EFNA5: variants seen among roughly 807,000 people sequenced by gnomAD.
EFNA5 encodes the protein ephrin A5, also known as ephrin-A5.
Under a neutral mutation model 22.9 loss-of-function variants are expected in EFNA5, and 5 were observed. That is an observed-to-expected ratio of 0.22 (90% confidence interval 0.11 to 0.46). EFNA5 has a LOEUF of 0.46. EFNA5 is among the 20% of genes least tolerant of loss of function. The pLI is 0.99. For synonymous variants in EFNA5, 113 were observed against 112.2 expected (o/e 1.01, Z -0.04); for missense variants, 237 against 293.3 (o/e 0.81, Z 1.40).
chr5:107,429,165 G>A (rs1484851286), intron 1 of EFNA5, among the ~76,000 whole-genome samples: 5 of 152,176 alleles, frequency 3.3e-5, no homozygotes, highest in South Asian at 2.1e-4. Context: ...CCTTCTAGCC[G>A]GGTACAGTGG....
intron 1 of EFNA5, among the ~76,000 whole-genome samples, chr5:107,518,571 T>TAC (rs1236340875): frequency 8.2e-6 from 1 of 122,450 alleles, no homozygotes; most frequent in African/African-American, 3.3e-5. Context: ...GAAGCCGAGG[T>TAC]ACACCATGCC....
chr5:107,535,249 T>G (rs920497380), intron 1 of EFNA5, among the ~76,000 whole-genome samples: 1 of 152,214 alleles, frequency 6.6e-6, no homozygotes, highest in African/African-American at 2.4e-5. Flanking sequence ...GAACAATGAC[T>G]GTTTGTAGAT....
At chr5:107,611,767 C>T (rs538116353) in intron 1 of EFNA5, among the ~76,000 whole-genome samples, 4 of 152,226 alleles carry the variant, frequency 2.6e-5, no homozygotes, top group East Asian at 1.9e-4. Context: ...GGCCAGGGCT[C>T]GGATGGGCAT....
chr5:107,442,951 A>AC (rs1749295953), intron 1 of EFNA5, among the ~76,000 whole-genome samples: 1 of 140,186 alleles, frequency 7.1e-6, no homozygotes, highest in African/African-American at 2.6e-5. Flanking sequence ...AAAAAAAAAA[A>AC]AACCCTGTGA....
rs866937121 is a variant in EFNA5 at position 107,591,975 on chromosome 5, T to A, written c.125+78514A>T. 5.0e-4 allele frequency among the ~76,000 whole-genome samples: 16 copies of A among 32,220 alleles called. 1 individual carries two copies. The highest frequency in any genetic ancestry group is 4.2e-3 in the African/African-American group (16 of 3,854). 21.1% of individuals were successfully genotyped at this position (32,220 alleles called of 152,430 possible). On this transcript the variant is annotated intron_variant, in intron 1 of 4. Transcript: ENST00000333274. ...TAATATATAATATATATAATATATA[T>A]AATATATAATATATAATATATATAA...
rs1480342035 is a variant in EFNA5 at position 107,452,009 on chromosome 5, T to C, written c.126-24500A>G. On this transcript the variant is annotated intron_variant, in intron 1 of 4. Coordinates refer to ENST00000333274, the MANE Select transcript of EFNA5 (RefSeq NM_001962.3). ...TCAATGATAGACAGGATAAAGAAAATGTGGTACGTATATACCAAGGAATAC... is the reference window on the plus strand; with the variant it reads ...TCAATGATAGACAGGATAAAGAAAACGTGGTACGTATATACCAAGGAATAC... Among the ~76,000 whole-genome samples, 5 of 152,114 alleles carry C rather than the reference T, an allele frequency of 3.3e-5. No homozygotes were observed. The South Asian group carries it at 1.0e-3, about 32-fold the overall frequency.
chr5:107,543,396 A>G lies in EFNA5; in HGVS notation c.126-115887T>C, dbSNP rs77595834. Among the ~76,000 whole-genome samples the G allele has an allele frequency of 3.5e-4, 53 of 152,222 alleles. 1 individual carries two copies. Among genetic ancestry groups the G allele is most frequent in the Non-Finnish European group, 7.3e-5 (5 of 68,044 alleles). On this transcript the variant is annotated intron_variant, in intron 1 of 4. Transcript: ENST00000333274. Reference sequence around the variant, plus strand: ...ATCATTTTCTTTTTCAAATATGACAATGCTATTTTACCCCTACTTCTTTCT... The same window carrying G: ...ATCATTTTCTTTTTCAAATATGACAGTGCTATTTTACCCCTACTTCTTTCT...
At chr5:107,534,838 C>T (rs537626164) in intron 1 of EFNA5, among the ~76,000 whole-genome samples, 1 of 152,156 alleles carries the variant, frequency 6.6e-6, no homozygotes, top group South Asian at 2.1e-4. Flanking sequence ...TAAAGGAAAA[C>T]AAAATTGATA....
intron 1 of EFNA5, among the ~76,000 whole-genome samples, chr5:107,516,130 A>C (rs1375029799): frequency 6.6e-6 from 1 of 151,096 alleles, no homozygotes; most frequent in Non-Finnish European, 1.5e-5. Flanking sequence ...TCAGCCTCCT[A>C]AGTAGCTAGG....
intron 1 of EFNA5, 90 bp from the exon 2 acceptor site, chr5:107,427,599 G>A (rs1748841400): frequency 8.0e-7 from 1 of 1,245,540 alleles, no homozygotes. Context: ...TAATTTTGGA[G>A]CTAAAGCATC....
intron 1 of EFNA5, among the ~76,000 whole-genome samples, chr5:107,449,207 C>T (rs1472130853): frequency 6.6e-6 from 1 of 152,054 alleles, no homozygotes; most frequent in African/African-American, 2.4e-5. Flanking sequence ...TAATTCTGCT[C>T]CTGGATTTCC....
At chr5:107,642,934 G>GAAA (rs34467356) in intron 1 of EFNA5, among the ~76,000 whole-genome samples, 1,724 of 133,738 alleles carry the variant, frequency 0.013, 44 homozygotes, top group African/African-American at 0.046. Context: ...TTCCTCACCT[G>GAAA]AAAAAAAAAA....
chr5:107,613,131 G>C (rs1334149129), intron 1 of EFNA5, among the ~76,000 whole-genome samples: 3 of 151,826 alleles, frequency 2.0e-5, no homozygotes, highest in African/African-American at 7.2e-5. Flanking sequence ...CTTGGGAAAG[G>C]CTGTGATTTT....
At chr5:107,465,720 C>T (rs1749961025) in intron 1 of EFNA5, among the ~76,000 whole-genome samples, 1 of 152,050 alleles carries the variant, frequency 6.6e-6, no homozygotes. Context: ...CTGGCTAGTC[C>T]AGATTGCTTG....
chr5:107,443,945 G>C (rs1178202595), intron 1 of EFNA5, among the ~76,000 whole-genome samples: 1 of 152,174 alleles, frequency 6.6e-6, no homozygotes, highest in African/African-American at 2.4e-5. Flanking sequence ...TGAATGTCAA[G>C]ATCAGAGACT....
At chr5:107,663,585 A>G (rs977183756) in intron 1 of EFNA5, among the ~76,000 whole-genome samples, 5 of 152,124 alleles carry the variant, frequency 3.3e-5, no homozygotes, top group Non-Finnish European at 2.9e-5. Context: ...TTTATATCTT[A>G]TATCTCCTAA....
At chr5:107,447,686 G>A (rs543677478) in intron 1 of EFNA5, among the ~76,000 whole-genome samples, 38 of 152,332 alleles carry the variant, frequency 2.5e-4, no homozygotes, top group African/African-American at 7.5e-4. Flanking sequence ...CAGGATGGAC[G>A]AAGGGGAGGG....
At chr5:107,415,191 A>G (rs1748472123) in intron 2 of EFNA5, among the ~76,000 whole-genome samples, 2 of 152,180 alleles carry the variant, frequency 1.3e-5, no homozygotes, top group Admixed American at 6.5e-5. Context: ...ATATATATAT[A>G]TACATATGGA....
intron 1 of EFNA5, among the ~76,000 whole-genome samples, chr5:107,642,878 G>T (rs1405819554): frequency 6.7e-6 from 1 of 149,200 alleles, no homozygotes; most frequent in African/African-American, 2.5e-5. Flanking sequence ...TAGATGAGAA[G>T]ACAGATTTGT....
Sources: allele counts gnomAD v4.1 joint callset (sites outside exome capture counted in the v4.1 genomes callset), GRCh38; gene constraint gnomAD v4.1.1; transcripts MANE v1.5; gene names NCBI Gene and HGNC (gene_info 2026-07-23, HGNC 2026-07-21).